The following SEMA6D variants were observed in gnomAD, a reference collection of about 807,000 sequenced individuals.
The protein encoded by SEMA6D is semaphorin 6D, also known as semaphorin-6D.
A neutral mutation model predicts 106.6 loss-of-function variants in SEMA6D; 35 were observed. That is an observed-to-expected ratio of 0.33 (90% CI 0.25 to 0.44). SEMA6D has a LOEUF of 0.44. Ranked by LOEUF, SEMA6D falls within the 20% of genes least tolerant of loss-of-function variation. The probability of loss-of-function intolerance (pLI) is 1.00; values close to 1 mark genes in which losing one functional copy is unlikely to be tolerated. For synonymous variants in SEMA6D, 499 were observed against 487.7 expected, an observed-to-expected ratio of 1.02 and a Z score of -0.31; for missense variants, 1,185 against 1,345.9, an observed-to-expected ratio of 0.88 and a Z score of 1.87.
chr15:47,510,879 A>AC (rs2044208452), intron 3 of SEMA6D, among the ~76,000 whole-genome samples: 1 of 152,200 alleles, frequency 6.6e-6, no homozygotes, highest in Non-Finnish European at 1.5e-5. Flanking sequence ...TCCATATGGC[A>AC]CTTGGTTCTT....
intron 1 of SEMA6D, among the ~76,000 whole-genome samples, chr15:47,273,365 G>A (rs1384918593): frequency 1.1e-4 from 17 of 152,046 alleles, no homozygotes; most frequent in Non-Finnish European, 1.5e-4. Context: ...AGACTACCTG[G>A]GTTTGGGTAC....
At chr15:47,341,176 G>A (rs761180897) in intron 1 of SEMA6D, among the ~76,000 whole-genome samples, 31 of 152,046 alleles carry the variant, frequency 2.0e-4, no homozygotes, top group Non-Finnish European at 4.0e-4. Context: ...GATCACTTAA[G>A]GTCAGGAGTT....
At chr15:47,339,525 G>A (rs2037723506) in intron 1 of SEMA6D, among the ~76,000 whole-genome samples, 1 of 152,176 alleles carries the variant, frequency 6.6e-6, no homozygotes, top group Admixed American at 6.5e-5. Flanking sequence ...AACATGGTTT[G>A]AAAGAGTTTT....
intron 1 of SEMA6D, among the ~76,000 whole-genome samples, chr15:47,220,997 A>G (rs987302822): frequency 1.3e-5 from 2 of 152,166 alleles, no homozygotes; most frequent in Non-Finnish European, 2.9e-5. Context: ...CTAAAAAGCC[A>G]TAGCTACTTA....
intron 1 of SEMA6D, among the ~76,000 whole-genome samples, chr15:47,388,187 A>G (rs956883406): frequency 3.3e-5 from 5 of 152,204 alleles, no homozygotes; most frequent in African/African-American, 1.2e-4. Context: ...ACAAACAATC[A>G]ATGAATATAT....
intron 1 of SEMA6D, among the ~76,000 whole-genome samples, chr15:47,325,184 G>T (rs542584048): frequency 0.011 from 1,654 of 144,884 alleles, 12 homozygotes; most frequent in Non-Finnish European, 0.015. Flanking sequence ...TTTGTTTTTT[G>T]TTTTTTAAGA....
At chr15:47,593,506 T>C (rs1187828841) in intron 3 of SEMA6D, among the ~76,000 whole-genome samples, 1 of 150,924 alleles carries the variant, frequency 6.6e-6, no homozygotes, top group African/African-American at 2.4e-5. Context: ...AGTCCCTGGG[T>C]TTGGACGATT....
At chr15:47,373,407 A>G (rs944564383) in intron 1 of SEMA6D, among the ~76,000 whole-genome samples, 1 of 152,226 alleles carries the variant, frequency 6.6e-6, no homozygotes, top group Admixed American at 6.5e-5. Flanking sequence ...ACATAATGAC[A>G]TATATTAACT....
At chr15:47,597,315 T>C (rs2076556524) in intron 3 of SEMA6D, among the ~76,000 whole-genome samples, 1 of 151,996 alleles carries the variant, frequency 6.6e-6, no homozygotes, top group South Asian at 2.1e-4. Context: ...TGGACATTCC[T>C]CAAAAAACTA....
chr15:47,528,655 C>T (rs965734924), intron 3 of SEMA6D, among the ~76,000 whole-genome samples: 10 of 152,168 alleles, frequency 6.6e-5, no homozygotes, highest in Non-Finnish European at 2.9e-5. Context: ...GAAAGGCCCT[C>T]CTTTAAGGTT....
chr15:47,511,125 T>TG (rs2044216034), intron 3 of SEMA6D, among the ~76,000 whole-genome samples: 1 of 152,140 alleles, frequency 6.6e-6, no homozygotes, highest in Admixed American at 6.5e-5. Flanking sequence ...ACACATGCTG[T>TG]TGTTGGAGCT....
chr15:47,508,961 G>A (rs2044138929), intron 3 of SEMA6D, among the ~76,000 whole-genome samples: 1 of 151,948 alleles, frequency 6.6e-6, no homozygotes. Context: ...TTTTGCGGGG[G>A]GAGACAGAAC....
intron 3 of SEMA6D, among the ~76,000 whole-genome samples, chr15:47,548,976 G>A (rs868474513): frequency 6.6e-6 from 1 of 150,734 alleles, no homozygotes; most frequent in Middle Eastern, 3.5e-3. Context: ...CATGAAGCAA[G>A]GCATCCAGGC....
intron 2 of SEMA6D, among the ~76,000 whole-genome samples, chr15:47,461,573 ATAATAT>A (rs1007528722): frequency 2.0e-4 from 31 of 152,268 alleles, no homozygotes; most frequent in African/African-American, 7.5e-4. Context: ...GTCATTAAAA[ATAATAT>A]TAATAATAAT....
chr15:47,718,197 G>A (rs2079203153), intron 1 of SEMA6D, among the ~76,000 whole-genome samples: 1 of 152,204 alleles, frequency 6.6e-6, no homozygotes, highest in Non-Finnish European at 1.5e-5. Context: ...AGCCAAGGCC[G>A]AAGGAGCCGC....
chr15:47,362,589 C>G (rs1214333650), intron 1 of SEMA6D, among the ~76,000 whole-genome samples: 1 of 152,190 alleles, frequency 6.6e-6, no homozygotes, highest in Non-Finnish European at 1.5e-5. Flanking sequence ...CCAAAGAAAT[C>G]TACTCTAGTC....
At chr15:47,284,946 A>G (rs1225346980) in intron 1 of SEMA6D, among the ~76,000 whole-genome samples, 2 of 152,204 alleles carry the variant, frequency 1.3e-5, no homozygotes, top group Admixed American at 6.5e-5. Flanking sequence ...TGCATGAATA[A>G]TAGAATGGCC....
intron 4 of SEMA6D, among the ~76,000 whole-genome samples, chr15:47,611,719 T>C (rs1486756302): frequency 6.6e-6 from 1 of 152,228 alleles, no homozygotes; most frequent in Non-Finnish European, 1.5e-5. Flanking sequence ...GTCACAGTCC[T>C]GGAGCACTAG....
At chr15:47,291,078 A>G (rs2035576264) in intron 1 of SEMA6D, among the ~76,000 whole-genome samples, 1 of 152,208 alleles carries the variant, frequency 6.6e-6, no homozygotes, top group Non-Finnish European at 1.5e-5. Flanking sequence ...AATAGAAGAA[A>G]TATCCACAGC....
Sources: gnomAD v4.1 joint callset for allele counts (sites outside exome capture counted in the v4.1 genomes callset) on GRCh38, gnomAD v4.1.1 for gene constraint, MANE v1.5 for transcripts, NCBI Gene and HGNC (gene_info 2026-07-23, HGNC 2026-07-21) for gene names.